HNF4A: variants seen among roughly 807,000 people sequenced by gnomAD.
HNF4A encodes hepatocyte nuclear factor 4-alpha.
Under a neutral mutation model 52.4 loss-of-function variants are expected in HNF4A, and 15 were observed. That is an observed-to-expected ratio of 0.29 (90% CI 0.19 to 0.44). The LOEUF (loss-of-function observed/expected upper bound fraction) is 0.44. Ranked by LOEUF, HNF4A falls within the 20% of genes least tolerant of loss-of-function variation. The probability of loss-of-function intolerance (pLI) is 1.00; values close to 1 mark genes in which losing one functional copy is unlikely to be tolerated. For missense variants in HNF4A, 479 were observed against 647.2 expected (o/e 0.74, Z 2.82); for synonymous variants, 280 against 264.4 (o/e 1.06, Z -0.57).
chr20:44,407,542 T>C, intron 3 of HNF4A, 67 bp downstream of exon 3: 1 of 1,066,964 alleles, frequency 9.4e-7, no homozygotes, highest in Non-Finnish European at 1.4e-6. Context: ...CCGACAGTCA[T>C]TTACAACTGT....
chr20:44,412,057 G>GA (rs11426408), intron 3 of HNF4A, among the ~76,000 whole-genome samples: 7,786 of 144,962 alleles, frequency 0.054, 678 homozygotes, highest in African/African-American at 0.18. Context: ...ACCCCATCTC[G>GA]AAAAAAAAAA....
intron 1 of HNF4A, among the ~76,000 whole-genome samples, chr20:44,393,238 G>A (rs1300390646): frequency 6.6e-6 from 1 of 152,170 alleles, no homozygotes; most frequent in Non-Finnish European, 1.5e-5. Flanking sequence ...TAAACAGGAG[G>A]GATGAACATA....
chr20:44,355,908 GGC>G, intron 1 of HNF4A, 55 bp downstream of exon 1: 1 of 1,484,232 alleles, frequency 6.7e-7, no homozygotes, highest in Non-Finnish European at 9.3e-7. Context: ...AGCTTTGGGA[GGC>G]CATGGGACAC....
At chr20:44,358,971 C>T (rs1190811084) in intron 1 of HNF4A, among the ~76,000 whole-genome samples, 1 of 152,150 alleles carries the variant, frequency 6.6e-6, no homozygotes, top group Non-Finnish European at 1.5e-5. Flanking sequence ...TTCCACGGCA[C>T]ACTGGTTTTG....
At chr20:44,405,059 G>GTGGTGCGTGTGTGTGGACTGTA (rs2063479091) in intron 1 of HNF4A, among the ~76,000 whole-genome samples, 3 of 118,752 alleles carry the variant, frequency 2.5e-5, no homozygotes, top group Non-Finnish European at 5.5e-5. Flanking sequence ...TGTGGACTGT[G>GTGGTGCGTGTGTGTGGACTGTA]TGGTGCGTGT....
intron 1 of HNF4A, among the ~76,000 whole-genome samples, chr20:44,395,142 C>T (rs1203261684): frequency 1.3e-5 from 2 of 152,220 alleles, no homozygotes. Flanking sequence ...GTAGAAAGTG[C>T]TCGTTGTTAA....
intron 1 of HNF4A, among the ~76,000 whole-genome samples, chr20:44,404,864 C>T (rs111220193): frequency 0.044 from 86 of 1,976 alleles, no homozygotes; most frequent in Admixed American, 0.097. Flanking sequence ...GGTGTGTGTG[C>T]GCGTGTGTGT....
chr20:44,382,593 T>G (rs2063169456), intron 1 of HNF4A, among the ~76,000 whole-genome samples: 1 of 152,132 alleles, frequency 6.6e-6, no homozygotes, highest in Admixed American at 6.5e-5. Context: ...TTTTAAGTAT[T>G]CATATTAAAA....
chr20:44,357,588 G>A (rs1255730539), intron 1 of HNF4A, among the ~76,000 whole-genome samples: 3 of 152,134 alleles, frequency 2.0e-5, no homozygotes, highest in East Asian at 1.9e-4. Flanking sequence ...TGTCTCCCAC[G>A]TCTCTGCACC....
At chr20:44,371,951 G>A (rs192671569) in intron 1 of HNF4A, among the ~76,000 whole-genome samples, 11 of 152,218 alleles carry the variant, frequency 7.2e-5, no homozygotes, top group South Asian at 6.2e-4. Flanking sequence ...CTAATTTGCC[G>A]TAGTCCCCAC....
chr20:44,393,721 A>G (rs2063327476), intron 1 of HNF4A, among the ~76,000 whole-genome samples: 1 of 152,108 alleles, frequency 6.6e-6, no homozygotes, highest in Non-Finnish European at 1.5e-5. Flanking sequence ...ATCAATGTGT[A>G]TATTTTGCTT....
At position 44,413,762 on chromosome 20, in the gene HNF4A, A is replaced by G; in HGVS notation, c.454A>G (p.Ile152Val). The G allele has an allele frequency of 6.2e-7, 1 of 1,613,842 alleles. No individual in the cohort carries two copies. Among genetic ancestry groups the G allele is most frequent in the Non-Finnish European group, 8.5e-7 (1 of 1,179,858 alleles). The stretch of plus-strand genomic sequence containing the variant: ...CTATGAGGACAGCAGCCTGCCCTCC[A>G]TCAATGCGCTCCTGCAGGCGGAGGT... Residue 152 changes from isoleucine to valine, a missense_variant, in exon 4 of 10, where the codon ATC (isoleucine) becomes GTC (valine). Physicochemically the swap from Ile to Val is conservative, Grantham distance 29 (BLOSUM62 3). Coordinates refer to ENST00000316099, the MANE Select transcript of HNF4A (RefSeq NM_000457.6).
At chr20:44,409,754 C>T (rs1380797001) in intron 3 of HNF4A, among the ~76,000 whole-genome samples, 1 of 152,132 alleles carries the variant, frequency 6.6e-6, no homozygotes, top group African/African-American at 2.4e-5. Flanking sequence ...CCCTTCAGCC[C>T]TATGAGTCTC....
chr20:44,413,581 C>A, intron 3 of HNF4A, 113 bp from the exon 4 acceptor site: 1 of 754,808 alleles, frequency 1.3e-6, no homozygotes, highest in Non-Finnish European at 2.4e-6. Flanking sequence ...CTGATGTGGG[C>A]CTGTTCTCTG....
At chr20:44,421,792 A>ATT (rs903752882) in intron 7 of HNF4A, among the ~76,000 whole-genome samples, 3 of 146,582 alleles carry the variant, frequency 2.0e-5, no homozygotes, top group Non-Finnish European at 3.0e-5. Flanking sequence ...TATAATATAT[A>ATT]TTATATATAT....
intron 1 of HNF4A, among the ~76,000 whole-genome samples, chr20:44,360,497 G>A (rs1481315048): frequency 6.6e-6 from 1 of 152,150 alleles, no homozygotes; most frequent in East Asian, 1.9e-4. Context: ...TAAGTAGCTG[G>A]ATAGATGGGT....
intron 1 of HNF4A, among the ~76,000 whole-genome samples, chr20:44,363,719 T>C (rs544520995): frequency 2.1e-4 from 31 of 148,120 alleles, no homozygotes; most frequent in African/African-American, 7.0e-4. Context: ...TTTTTTTTTT[T>C]TTTTTTTTTG....
intron 5 of HNF4A, 76 bp from the exon 6 acceptor site, chr20:44,418,349 C>A: frequency 1.7e-6 from 2 of 1,180,140 alleles, no homozygotes; most frequent in Non-Finnish European, 2.5e-6. Flanking sequence ...AGCTGACTTG[C>A]CCAGCGTCAC....
chr20:44,371,171 C>T (rs2063029696), intron 1 of HNF4A, among the ~76,000 whole-genome samples: 1 of 152,220 alleles, frequency 6.6e-6, no homozygotes, highest in African/African-American at 2.4e-5. Flanking sequence ...AGCTCTAGCC[C>T]TGACACACAC....
Sources: gnomAD v4.1 joint callset for allele counts (sites outside exome capture counted in the v4.1 genomes callset) on GRCh38, gnomAD v4.1.1 for gene constraint, MANE v1.5 for transcripts, NCBI Gene and HGNC (gene_info 2026-07-23, HGNC 2026-07-21) for gene names.